FAM20C: variants seen among roughly 807,000 people sequenced by gnomAD.
FAM20C encodes the protein extracellular serine/threonine protein kinase FAM20C.
A neutral mutation model predicts 51.5 loss-of-function variants in FAM20C; 40 were observed. That is an observed-to-expected ratio of 0.78 (90% CI 0.60 to 1.01). FAM20C has a LOEUF of 1.01. Among genes scored for constraint, FAM20C ranks in the 50% least tolerant of loss-of-function variants. The probability of loss-of-function intolerance (pLI) is 0.00; values close to 1 mark genes in which losing one functional copy is unlikely to be tolerated. For missense variants in FAM20C, 861 were observed against 844.7 expected, an observed-to-expected ratio of 1.02 and a Z score of -0.24; for synonymous variants, 406 against 380.6, an observed-to-expected ratio of 1.07 and a Z score of -0.78.
intron 3 of FAM20C, among the ~76,000 whole-genome samples, chr7:214,913 A>G (rs1016468133): frequency 3.9e-5 from 6 of 151,994 alleles, no homozygotes; most frequent in African/African-American, 1.5e-4. Context: ...TAGTCATTCC[A>G]CAAACTCGGA....
intron 3 of FAM20C, among the ~76,000 whole-genome samples, chr7:240,402 A>AGTG (rs1450565875): frequency 2.4e-4 from 4 of 16,394 alleles, no homozygotes; most frequent in African/African-American, 8.5e-4. Context: ...TAATAGTGAT[A>AGTG]ATGATGATGA....
At chr7:220,306 C>T (rs139283954) in intron 3 of FAM20C, among the ~76,000 whole-genome samples, 23 of 152,316 alleles carry the variant, frequency 1.5e-4, no homozygotes, top group African/African-American at 5.1e-4. Context: ...CCTCTCACCC[C>T]TGCCCTGCCC....
At chr7:243,917 G>T (rs1788036425) in intron 3 of FAM20C, among the ~76,000 whole-genome samples, 1 of 132,528 alleles carries the variant, frequency 7.5e-6, no homozygotes, top group Middle Eastern at 3.9e-3. Context: ...ATTTTCTAAA[G>T]AAAATAATAA....
At chr7:220,165 C>T (rs777441875) in intron 3 of FAM20C, among the ~76,000 whole-genome samples, 24 of 152,214 alleles carry the variant, frequency 1.6e-4, no homozygotes, top group Non-Finnish European at 2.8e-4. Context: ...ATGCTGCCCT[C>T]GCTGTGGTGG....
At chr7:207,586 C>A (rs139916282) in intron 2 of FAM20C, among the ~76,000 whole-genome samples, 1 of 152,228 alleles carries the variant, frequency 6.6e-6, no homozygotes, top group East Asian at 1.9e-4. Flanking sequence ...CCGGAGCAGT[C>A]GCATATGCCA....
chr7:230,464 C>T (rs1787626126), intron 3 of FAM20C, among the ~76,000 whole-genome samples: 1 of 151,372 alleles, frequency 6.6e-6, no homozygotes, highest in South Asian at 2.1e-4. Flanking sequence ...CCTCTGTGTC[C>T]CGGCGTTCGG....
chr7:224,353 A>C (rs56852169), intron 3 of FAM20C, among the ~76,000 whole-genome samples: 10 of 22,588 alleles, frequency 4.4e-4, no homozygotes, highest in African/African-American at 4.7e-4. Context: ...TCTCTCACGG[A>C]GCAGAACGGC....
rs1475847298 is a variant in FAM20C, at chr7:256,262, C to G, written c.1253+233C>G. ...ACCCGGGCCGGCCTGCCCACCAGGT[C>G]CCTCGAATCGGGGCCTCTCAGCGTT... On this transcript the variant is annotated intron_variant, in intron 6 of 9. Coordinates refer to ENST00000313766, the MANE Select transcript of FAM20C (RefSeq NM_020223.4). The G allele has an allele frequency of 4.9e-6, 3 of 613,608 alleles. No homozygotes were observed. In the African/African-American group the frequency reaches 5.5e-5, roughly 11 times the overall value. 38.0% of individuals were successfully genotyped at this position (613,608 alleles called of 1,614,324 possible).
intron 3 of FAM20C, among the ~76,000 whole-genome samples, chr7:229,777 G>A (rs376924183): frequency 6.6e-6 from 1 of 152,102 alleles, no homozygotes; most frequent in South Asian, 2.1e-4. Flanking sequence ...AATATATCTC[G>A]CTAATGACAG....
intron 3 of FAM20C, among the ~76,000 whole-genome samples, chr7:222,761 C>T (rs1000533837): frequency 6.6e-6 from 1 of 152,106 alleles, no homozygotes; most frequent in African/African-American, 2.4e-5. Context: ...AGCATGTGCT[C>T]ATGTGTATGA....
Position 258,724 on chromosome 7 carries a change from C to G in FAM20C, c.1505+19C>G. The G allele has an allele frequency of 6.5e-7, 1 of 1,531,074 alleles. No individual in the cohort carries two copies. 94.8% of individuals were successfully genotyped at this position (1,531,074 alleles called of 1,614,324 possible). On this transcript the variant is annotated intron_variant, in intron 9 of 9. Transcript: ENST00000313766. ...GCTGCAGGTACAGCCCCTGCCGGAG[C>G]CGGCTCCAGCTCCACCCTCCTCCCT...
At chr7:255,814 G>A (rs929561618) in intron 5 of FAM20C, 35 bp from the exon 6 acceptor site, 15 of 1,535,678 alleles carry the variant, frequency 9.8e-6, no homozygotes, top group Non-Finnish European at 1.3e-5. Flanking sequence ...GCAGCCCTGT[G>A]CGGCCCTGGT....
chr7:243,830 C>G (rs369634884), intron 3 of FAM20C, among the ~76,000 whole-genome samples: 4 of 152,006 alleles, frequency 2.6e-5, no homozygotes, highest in South Asian at 4.1e-4. Context: ...GCGGCTTTAT[C>G]AGGCACCCAG....
chr7:210,562 G>A (rs184987702), intron 3 of FAM20C, among the ~76,000 whole-genome samples: 32 of 152,222 alleles, frequency 2.1e-4, no homozygotes, highest in Admixed American at 1.8e-3. Flanking sequence ...GCTTCGAGCC[G>A]CGGGCACGGC....
chr7:201,873 A>G (rs1562364708), intron 2 of FAM20C, among the ~76,000 whole-genome samples: 1 of 152,210 alleles, frequency 6.6e-6, no homozygotes, highest in African/African-American at 2.4e-5. Flanking sequence ...AGCAACATGA[A>G]ATAATGAAGG....
intron 2 of FAM20C, among the ~76,000 whole-genome samples, chr7:201,773 C>G (rs922277360): frequency 6.6e-6 from 1 of 152,224 alleles, no homozygotes; most frequent in African/African-American, 2.4e-5. Flanking sequence ...CGAACATCGC[C>G]TCTGTCTCGT....
At chr7:253,213 G>A (rs1788466222) in intron 5 of FAM20C, among the ~76,000 whole-genome samples, 1 of 152,232 alleles carries the variant, frequency 6.6e-6, no homozygotes. Flanking sequence ...TGTCCGCCGG[G>A]CCCGCAGCTG....
chr7:202,307 G>A (rs1786168526), intron 2 of FAM20C, among the ~76,000 whole-genome samples: 1 of 146,824 alleles, frequency 6.8e-6, no homozygotes, highest in African/African-American at 2.6e-5. Context: ...GAATGGGGGG[G>A]CCCTATGGAT....
At position 258,709 on chromosome 7, in the gene FAM20C, C is replaced by T. The variant is rs373089642; in HGVS notation, c.1505+4C>T. 1.3e-5 allele frequency: 20 copies of T among 1,534,510 alleles called. No homozygotes were observed. Among genetic ancestry groups the T allele is most frequent in the East Asian group, 2.4e-5 (1 of 40,894 alleles). ...TGCCGCTACAGCAGTGCTGCAGGTA[C>T]AGCCCCTGCCGGAGCCGGCTCCAGC... On this transcript the variant is annotated splice_donor_region_variant and intron_variant, in intron 9 of 9. Transcript: ENST00000313766.
Sources: allele counts gnomAD v4.1 joint callset (sites outside exome capture counted in the v4.1 genomes callset), GRCh38; gene constraint gnomAD v4.1.1; transcripts MANE v1.5; gene names NCBI Gene and HGNC (gene_info 2026-07-23, HGNC 2026-07-21).